Variants in DLGAP2 observed in about 807,000 individuals in gnomAD.
DLGAP2 encodes the protein DLG associated protein 2, also known as disks large-associated protein 2.
DLGAP2 carries 26 observed loss-of-function variants against 100.3 expected under a neutral mutation model. The ratio of observed to expected loss-of-function variants is 0.26; its 90% CI spans 0.19 to 0.36. DLGAP2 has a LOEUF of 0.36. Ranked by LOEUF, DLGAP2 falls within the 10% of genes least tolerant of loss-of-function variation. The pLI is 1.00. For synonymous variants in DLGAP2, 886 were observed against 630.1 expected (o/e 1.41, Z -6.08); for missense variants, 1,858 against 1,453.2 (o/e 1.28, Z -4.53).
intron 2 of DLGAP2, among the ~76,000 whole-genome samples, chr8:1,130,255 T>C (rs1796261908): frequency 1.3e-5 from 2 of 152,184 alleles, no homozygotes; most frequent in Admixed American, 6.5e-5. Flanking sequence ...AAAGTTGTTA[T>C]TTGGAGAAGG....
intron 3 of DLGAP2, chr8:1,295,968 C>T (rs1293835144): frequency 6.6e-6 from 1 of 152,166 alleles, no homozygotes; most frequent in African/African-American, 2.4e-5. Context: ...AGGAGACAGC[C>T]GGATGCGGAG....
intron 4 of DLGAP2, among the ~76,000 whole-genome samples, chr8:1,536,191 G>A (rs1037205832): frequency 2.0e-5 from 3 of 152,174 alleles, no homozygotes; most frequent in Non-Finnish European, 4.4e-5. Flanking sequence ...AGGGCACCGT[G>A]GTTCTGGCTG....
intron 3 of DLGAP2, among the ~76,000 whole-genome samples, chr8:1,292,139 A>G (rs1418615322): frequency 6.6e-6 from 1 of 152,202 alleles, no homozygotes; most frequent in African/African-American, 2.4e-5. Flanking sequence ...AAAACCCTGG[A>G]CACCCTCCAG....
At chr8:1,610,701 G>C (rs1305049088) in intron 6 of DLGAP2, among the ~76,000 whole-genome samples, 2 of 139,180 alleles carry the variant, frequency 1.4e-5, no homozygotes, top group Non-Finnish European at 3.0e-5. Context: ...AAATGATAAA[G>C]GGGATATCAC....
chr8:926,455 G>A (rs568781482), intron 2 of DLGAP2, among the ~76,000 whole-genome samples: 24 of 152,310 alleles, frequency 1.6e-4, no homozygotes, highest in South Asian at 6.2e-4. Flanking sequence ...CTCCATCCAC[G>A]ATGGTAATTT....
chr8:1,305,203 C>T (rs1489940590), intron 3 of DLGAP2, among the ~76,000 whole-genome samples: 3 of 152,162 alleles, frequency 2.0e-5, no homozygotes, highest in Non-Finnish European at 4.4e-5. Context: ...TTAGTTTCCT[C>T]CTTTAAAAAA....
intron 1 of DLGAP2, among the ~76,000 whole-genome samples, chr8:755,310 T>G (rs914830437): frequency 5.9e-5 from 9 of 152,004 alleles, no homozygotes; most frequent in African/African-American, 2.2e-4. Flanking sequence ...AATACTCAAA[T>G]TATTAATACC....
intron 8 of DLGAP2, among the ~76,000 whole-genome samples, chr8:1,657,688 C>T (rs548186485): frequency 6.6e-6 from 1 of 152,314 alleles, no homozygotes; most frequent in East Asian, 1.9e-4. Context: ...CAGTGATATA[C>T]TTCCATGTTT....
At chr8:1,335,657 A>G (rs376566580) in intron 3 of DLGAP2, among the ~76,000 whole-genome samples, 14 of 152,222 alleles carry the variant, frequency 9.2e-5, no homozygotes, top group Admixed American at 4.6e-4. Context: ...AGTTTGATGG[A>G]TGGAGGAAAA....
Position 1,410,563 on chromosome 8 carries a change from A to G in DLGAP2, c.107-90803A>G, listed in dbSNP as rs140328226. Reference sequence around the variant, plus strand: ...TTTCCGCACAGGTCGAGTTAAAGCAAAAGCATCAAGTCAGCTCCCTTCTCA... The same window carrying G: ...TTTCCGCACAGGTCGAGTTAAAGCAGAAGCATCAAGTCAGCTCCCTTCTCA... On this transcript the variant is annotated intron_variant, in intron 3 of 14. Coordinates refer to ENST00000637795, the MANE Select transcript of DLGAP2 (RefSeq NM_001346810.2). 9.2e-3 allele frequency among the ~76,000 whole-genome samples: 1,409 copies of G among 152,326 alleles called. 19 individuals are homozygous for G. Among genetic ancestry groups the G allele is most frequent in the African/African-American group, 0.032 (1,344 of 41,572 alleles).
At chr8:882,751 G>A (rs1027975362) in intron 1 of DLGAP2, among the ~76,000 whole-genome samples, 26 of 150,840 alleles carry the variant, frequency 1.7e-4, no homozygotes, top group African/African-American at 6.3e-4. Flanking sequence ...CTGATCCAGC[G>A]GTACCTCTCC....
At chr8:1,232,879 G>A (rs140937589) in intron 2 of DLGAP2, among the ~76,000 whole-genome samples, 8 of 152,302 alleles carry the variant, frequency 5.3e-5, no homozygotes, top group South Asian at 2.1e-4. Context: ...TGCAGCCATC[G>A]CCATAATCTA....
In DLGAP2 at chr8:1,161,903, AC is replaced by A. The variant is rs201165382; in HGVS notation, c.74-96945del. Among the ~76,000 whole-genome samples the A allele has an allele frequency of 2.9e-3, 440 of 152,216 alleles. 1 individual carries two copies. The highest frequency in any genetic ancestry group is 9.6e-3 in the African/African-American group (397 of 41,546). ...CAAGCTCGAAGGAGACGTGGTTCCC[AC>A]CCTTGGGGCTTTAGGTATAGAGAGG... On this transcript the variant is annotated intron_variant, in intron 2 of 14. Transcript: ENST00000637795.
At chr8:954,358 G>A (rs1395871399) in intron 2 of DLGAP2, among the ~76,000 whole-genome samples, 3 of 152,004 alleles carry the variant, frequency 2.0e-5, no homozygotes, top group East Asian at 1.9e-4. Context: ...CATCCCTCTC[G>A]CCTCCCTTCA....
At chr8:1,364,798 C>T (rs758596476) in intron 3 of DLGAP2, among the ~76,000 whole-genome samples, 8 of 152,208 alleles carry the variant, frequency 5.3e-5, no homozygotes, top group African/African-American at 9.6e-5. Context: ...AGAGAGGGGA[C>T]GCTGTGCATT....
chr8:1,339,233 G>A (rs979171823), intron 3 of DLGAP2, among the ~76,000 whole-genome samples: 16 of 151,310 alleles, frequency 1.1e-4, no homozygotes, highest in Non-Finnish European at 1.5e-4. Context: ...TCAGGACCCG[G>A]GAGGGAATGC....
intron 3 of DLGAP2, among the ~76,000 whole-genome samples, chr8:1,275,745 TATAA>T (rs1302720559): frequency 7.5e-6 from 1 of 133,144 alleles, no homozygotes; most frequent in South Asian, 2.2e-4. Flanking sequence ...ATGTAATATA[TATAA>T]ATAAATATAT....
At chr8:1,165,595 CTTG>C (rs1225991349) in intron 2 of DLGAP2, among the ~76,000 whole-genome samples, 45 of 152,358 alleles carry the variant, frequency 3.0e-4, no homozygotes, top group African/African-American at 1.0e-3. Context: ...GGCAGTGGCC[CTTG>C]CCCTTGTGAA....
At chr8:977,830 AGGG>A (rs1417601917) in intron 2 of DLGAP2, among the ~76,000 whole-genome samples, 3 of 45,364 alleles carry the variant, frequency 6.6e-5, no homozygotes, top group African/African-American at 2.0e-4. Context: ...TGTTGTGGGG[AGGG>A]CGTCGGGGAT....
Sources: allele counts gnomAD v4.1 joint callset (sites outside exome capture counted in the v4.1 genomes callset), GRCh38; gene constraint gnomAD v4.1.1; transcripts MANE v1.5; gene names NCBI Gene and HGNC (gene_info 2026-07-23, HGNC 2026-07-21).